Variants in SNTB2 observed in about 807,000 individuals in gnomAD.
The protein encoded by SNTB2 is syntrophin beta 2.
A neutral mutation model predicts 46.2 loss-of-function variants in SNTB2; 34 were observed. The ratio of observed to expected loss-of-function variants is 0.74; its 90% CI spans 0.56 to 0.98. The LOEUF (loss-of-function observed/expected upper bound fraction) is 0.98. Among genes scored for constraint, SNTB2 ranks in the 50% least tolerant of loss-of-function variants. SNTB2 has a pLI of 0.00. For synonymous variants in SNTB2, 290 were observed against 312.6 expected (o/e 0.93, Z 0.76); for missense variants, 603 against 731.4 (o/e 0.82, Z 2.02).
chr16:69,229,289 C>A (rs1964485047), intron 1 of SNTB2, among the ~76,000 whole-genome samples: 1 of 152,034 alleles, frequency 6.6e-6, no homozygotes, highest in African/African-American at 2.4e-5. Flanking sequence ...CCCACTTCAG[C>A]CTCCTGGGTG....
intron 2 of SNTB2, among the ~76,000 whole-genome samples, chr16:69,258,605 C>CTTTTTT (rs67116274): frequency 2.6e-4 from 22 of 83,484 alleles, no homozygotes; most frequent in Admixed American, 3.0e-4. Context: ...CTTGTTCTTT[C>CTTTTTT]TTTTTTTTTT....
intron 1 of SNTB2, among the ~76,000 whole-genome samples, chr16:69,230,172 T>C (rs913801609): frequency 6.6e-6 from 1 of 152,190 alleles, no homozygotes; most frequent in African/African-American, 2.4e-5. Context: ...ATAGAAATGC[T>C]TAATTTCTAA....
At chr16:69,285,644 T>C (rs1289189906) in intron 5 of SNTB2, among the ~76,000 whole-genome samples, 1 of 149,470 alleles carries the variant, frequency 6.7e-6, no homozygotes, top group Non-Finnish European at 1.5e-5. Flanking sequence ...AGCACCCAGC[T>C]AATTAAAAAA....
At chr16:69,229,512 C>T (rs1336741932) in intron 1 of SNTB2, among the ~76,000 whole-genome samples, 1 of 142,016 alleles carries the variant, frequency 7.0e-6, no homozygotes, top group Non-Finnish European at 1.5e-5. Context: ...TGGTCTTACT[C>T]TGTCACCCAG....
rs140157044 is a variant in SNTB2 at position 69,265,976 on chromosome 16, C to T, written c.1006-4167C>T. Among the ~76,000 whole-genome samples, 1,223 of 152,168 alleles carry T rather than the reference C, an allele frequency of 8.0e-3. 12 individuals are homozygous for T. Among genetic ancestry groups the T allele is most frequent in the Non-Finnish European group, 0.012 (839 of 67,994 alleles). On this transcript the variant is annotated intron_variant, in intron 3 of 6. Coordinates refer to ENST00000336278, the MANE Select transcript of SNTB2 (RefSeq NM_006750.4). ...CTGGCCAGAAACTCAATGGTGGGAT[C>T]CCCAAGGCTGCTTATGCTGATACCA...
At chr16:69,295,230 ATTTTTTTTTT>A (rs1160903028) in intron 5 of SNTB2, among the ~76,000 whole-genome samples, 10 of 81,934 alleles carry the variant, frequency 1.2e-4, no homozygotes, top group Admixed American at 7.9e-4. Flanking sequence ...AACATACTGA[ATTTTTTTTTT>A]TTTTTTTTTT....
intron 5 of SNTB2, 122 bp from the exon 6 acceptor site, chr16:69,299,468 A>T: frequency 1.1e-6 from 1 of 926,506 alleles, no homozygotes; most frequent in Non-Finnish European, 1.6e-6. Flanking sequence ...GTTTCCATAC[A>T]GGTTAGGTAT....
intron 2 of SNTB2, 85 bp from the exon 3 acceptor site, chr16:69,259,965 T>C: frequency 2.0e-6 from 2 of 975,842 alleles, no homozygotes; most frequent in Non-Finnish European, 3.2e-6. Flanking sequence ...AAAATTAAAA[T>C]AGATTTGCAG....
intron 3 of SNTB2, among the ~76,000 whole-genome samples, chr16:69,261,334 G>T (rs1226022514): frequency 3.4e-5 from 5 of 146,224 alleles, no homozygotes; most frequent in African/African-American, 1.3e-4. Flanking sequence ...AGTTGAGGTT[G>T]ATTTTATTTG....
At chr16:69,260,812 T>C (rs1964827484) in intron 3 of SNTB2, among the ~76,000 whole-genome samples, 1 of 152,192 alleles carries the variant, frequency 6.6e-6, no homozygotes, top group African/African-American at 2.4e-5. Context: ...ATTCCTCTGC[T>C]CTGGGAAAAG....
chr16:69,201,120 G>GA (rs1450249153), intron 1 of SNTB2, among the ~76,000 whole-genome samples: 1 of 152,188 alleles, frequency 6.6e-6, no homozygotes, highest in Non-Finnish European at 1.5e-5. Context: ...AAAGCCATAG[G>GA]AAAACAGCAT....
At chr16:69,214,001 T>C (rs1964318170) in intron 1 of SNTB2, among the ~76,000 whole-genome samples, 2 of 150,100 alleles carry the variant, frequency 1.3e-5, no homozygotes, top group South Asian at 4.2e-4. Context: ...TTTTTGTAGT[T>C]TTTAGTAGAG....
chr16:69,220,632 A>G (rs567645209), intron 1 of SNTB2, among the ~76,000 whole-genome samples: 6 of 152,074 alleles, frequency 3.9e-5, no homozygotes, highest in African/African-American at 1.2e-4. Flanking sequence ...GGCTCAAGCA[A>G]TCCTTCTGCC....
chr16:69,292,421 TA>T lies in SNTB2; in HGVS notation c.1346-7168del, dbSNP rs1965179495. On this transcript the variant is annotated intron_variant, in intron 5 of 6. Coordinates refer to ENST00000336278, the MANE Select transcript of SNTB2 (RefSeq NM_006750.4). ...ATATATATATATTATATATATATTA[TA>T]TATATATATATATTATATATATATA... is the stretch of plus-strand genomic sequence containing the variant. Among the ~76,000 whole-genome samples, 2 of 18,516 alleles carry T rather than the reference TA, an allele frequency of 1.1e-4. 1 individual carries two copies. Among genetic ancestry groups the T allele is most frequent in the Non-Finnish European group, 1.7e-4 (2 of 11,778 alleles). The allele number at this position is 18,516 out of a possible 152,430, so 12.1% of individuals were successfully genotyped here.
chr16:69,197,820 G>A (rs960677272), intron 1 of SNTB2, among the ~76,000 whole-genome samples: 3 of 152,168 alleles, frequency 2.0e-5, no homozygotes, highest in Non-Finnish European at 4.4e-5. Flanking sequence ...TGCAGTAAGG[G>A]ATGGCAACAT....
intron 1 of SNTB2, among the ~76,000 whole-genome samples, chr16:69,233,520 G>C (rs891905598): frequency 1.3e-5 from 2 of 152,116 alleles, no homozygotes; most frequent in Non-Finnish European, 2.9e-5. Flanking sequence ...GTTGGCAAGT[G>C]TACTGACATG....
chr16:69,300,799 G>A lies in SNTB2; in HGVS notation c.1531-33G>A, dbSNP rs781347237. On this transcript the variant is annotated intron_variant, in intron 6 of 6. Coordinates refer to ENST00000336278, the MANE Select transcript of SNTB2 (RefSeq NM_006750.4). ...TATTAAGTTGTCTGTATATGGTAGT[G>A]AGGTAGTGATGCTTAGTGTCCTTTC... 5 of 1,331,950 alleles carry A rather than the reference G, an allele frequency of 3.8e-6. No homozygotes were observed. The South Asian group carries it at 5.9e-5, about 16-fold the overall frequency. The allele number at this position is 1,331,950 out of a possible 1,614,324, so 82.5% of individuals were successfully genotyped here.
chr16:69,261,618 T>A (rs1044214258), intron 3 of SNTB2, among the ~76,000 whole-genome samples: 1 of 152,324 alleles, frequency 6.6e-6, no homozygotes, highest in South Asian at 2.1e-4. Flanking sequence ...TAAGTACTTA[T>A]GACTTTGAAA....
chr16:69,270,112 C>T (rs1964923841), intron 3 of SNTB2, 31 bp from the exon 4 acceptor site: 10 of 1,613,474 alleles, frequency 6.2e-6, no homozygotes, highest in Non-Finnish European at 8.5e-6. Flanking sequence ...TTATAGTTAG[C>T]CCTGATTTCT....
Sources: gnomAD v4.1 joint callset for allele counts (sites outside exome capture counted in the v4.1 genomes callset) on GRCh38, gnomAD v4.1.1 for gene constraint, MANE v1.5 for transcripts, NCBI Gene and HGNC (gene_info 2026-07-23, HGNC 2026-07-21) for gene names.